HNRNPU: variants seen among roughly 807,000 people sequenced by gnomAD.
The protein encoded by HNRNPU is heterogeneous nuclear ribonucleoprotein U, also known as HNRNPU antisense RNA 1.
HNRNPU carries 5 observed loss-of-function variants against 94.7 expected under a neutral mutation model. The observed-to-expected ratio is 0.05, with a 90% confidence interval of 0.03 to 0.11. HNRNPU has a LOEUF of 0.11. HNRNPU is among the 10% of genes least tolerant of loss of function. The pLI, the probability that HNRNPU is intolerant of heterozygous loss-of-function variation, is 1.00. For synonymous variants in HNRNPU, 434 were observed against 381.6 expected, an observed-to-expected ratio of 1.14 and a Z score of -1.60; for missense variants, 710 against 1,049.2, an observed-to-expected ratio of 0.68 and a Z score of 4.47.
intron 3 of HNRNPU, chr1:244,860,756 C>T (rs1195062617): frequency 4.3e-6 from 2 of 460,294 alleles, no homozygotes; most frequent in Non-Finnish European, 7.6e-6. Context: ...GACATTAATA[C>T]ATACCTGCTC....
At position 244,864,184 on chromosome 1, in the gene HNRNPU, G is replaced by T. The variant is rs1364614921; in HGVS notation, c.124C>A (p.Leu42Met). Residue 42 changes from leucine (L) to methionine (M), a missense_variant, in exon 1 of 14, where the codon CTG becomes ATG. This residue lies in a region of HNRNPU where 292 missense variants were observed against 293.4 expected (regional missense o/e 1.00). Coordinates refer to ENST00000640218, the MANE Select transcript of HNRNPU (RefSeq NM_031844.3). ...AELMERLQAA[L>M]DDEEAGGRPA... ...CGGCCCCCGGCCTCCTCGTCGTCCA[G>T]CGCAGCCTGGAGTCGCTCCATGAGC... 3 of 1,608,766 alleles carry T rather than the reference G, an allele frequency of 1.9e-6. No homozygotes were observed. The highest frequency in any genetic ancestry group is 1.7e-6 in the Non-Finnish European group (2 of 1,178,016).
Position 244,855,889 on chromosome 1 carries a change from T to G in HNRNPU, c.2167+15A>C, listed in dbSNP as rs780932517. The G allele has an allele frequency of 5.6e-5, 90 of 1,612,702 alleles. No individual in the cohort carries two copies. The South Asian group carries it at 8.7e-4, about 16-fold the overall frequency. ...CGATCCTGAACTAAATACAGAACAC[T>G]CAAAATTAACTTGCCTCCTCCTCTG... On this transcript the variant is annotated intron_variant, in intron 11 of 13. Transcript: ENST00000640218.
chr1:244,862,481 G>T lies in HNRNPU; in HGVS notation c.857C>A (p.Thr286Lys). ...VEEEDEHFDD[T>K]VVCLDTYNCD... The stretch of plus-strand genomic sequence containing the variant: ...CTTACAAGTATCAAGACAAACCACT[G>T]TGTCATCGAAGTGTTCATCTTCTTC... The change falls in exon 3 of 14, where the codon ACA becomes AAA. Residue 286 changes from threonine (T) to lysine (K), a missense_variant. This residue lies in a region of HNRNPU where 22 missense variants were observed against 16.7 expected (regional missense o/e 1.32). Coordinates refer to ENST00000640218, the MANE Select transcript of HNRNPU (RefSeq NM_031844.3). 6.2e-7 allele frequency: 1 copy of T among 1,612,132 alleles called. No individual in the cohort carries two copies. Among genetic ancestry groups the T allele is most frequent in the Non-Finnish European group, 8.5e-7 (1 of 1,179,356 alleles).
intron 11 of HNRNPU, 44 bp from the exon 12 acceptor site, chr1:244,855,652 T>C (rs1680659667): frequency 1.3e-6 from 2 of 1,570,526 alleles, no homozygotes; most frequent in Non-Finnish European, 8.7e-7. Context: ...TATTGTACCC[T>C]ACTTATACAG....
chr1:244,864,373 G>A lies in HNRNPU; in HGVS notation c.-66C>T, dbSNP rs1169391125. On this transcript the variant is annotated 5_prime_UTR_variant, in exon 1 of 14. Transcript: ENST00000640218. The stretch of plus-strand genomic sequence containing the variant: ...CGGCTCCGCTCACTCGGCCACTGGT[G>A]GCGGCTGCTGCGGCTGCTCCTCGGC... The A allele has an allele frequency of 1.1e-5, 18 of 1,587,890 alleles. No homozygotes were observed. Among genetic ancestry groups the A allele is most frequent in the African/African-American group, 5.5e-5 (4 of 72,860 alleles).
At position 244,853,332 on chromosome 1, in the gene HNRNPU, T is replaced by TG. The variant is rs1680595718; in HGVS notation, c.*1117_*1118insC. 6.6e-6 allele frequency: 1 copy of TG among 152,524 alleles called. No individual in the cohort carries two copies. Among genetic ancestry groups the TG allele is most frequent in the Admixed American group, 6.6e-5 (1 of 15,264 alleles). 9.4% of individuals were successfully genotyped at this position (152,524 alleles called of 1,614,324 possible). A position where few individuals can be genotyped will look rare whatever the true frequency, so the allele number is the denominator to read the frequency against. ...GCACACACTTAATAAATTTCTCCTC[T>TG]TGGGAGTTATATAAAGGGATTTTGA... is the stretch of plus-strand genomic sequence containing the variant. On this transcript the variant is annotated 3_prime_UTR_variant, in exon 14 of 14. Coordinates refer to ENST00000640218, the MANE Select transcript of HNRNPU (RefSeq NM_031844.3).
In HNRNPU at chr1:244,859,488, A is replaced by C. The variant is rs1680770600; in HGVS notation, c.1018-114T>G. The C allele has an allele frequency of 2.2e-5, 13 of 598,786 alleles. 1 individual carries two copies. The South Asian group carries it at 2.3e-4, about 11-fold the overall frequency. 37.1% of individuals were successfully genotyped at this position (598,786 alleles called of 1,614,324 possible). ...CTTCCTCTAGCTATAAATACAAAGA[A>C]GGCACACTCTAGCCCACCCCCAATA... On this transcript the variant is annotated intron_variant, in intron 4 of 13. Coordinates refer to ENST00000640218, the MANE Select transcript of HNRNPU (RefSeq NM_031844.3).
chr1:244,864,032 CTCCTCT>C lies in HNRNPU; in HGVS notation c.270_275del (p.Glu93_Glu94del), dbSNP rs770670938. Reference sequence around the variant, plus strand: ...CGTCCAGAGCGGAGATTCCTTCCTCCTCCTCTTCCTCTTCCTCCTCCTCTTCATCGC... The same window carrying C: ...CGTCCAGAGCGGAGATTCCTTCCTCCTCCTCTTCCTCCTCCTCTTCATCGC... On this transcript the variant is annotated inframe_deletion, in exon 1 of 14. Transcript: ENST00000640218. 119 of 1,611,544 alleles carry C rather than the reference CTCCTCT, an allele frequency of 7.4e-5. No individual in the cohort carries two copies. Among genetic ancestry groups the C allele is most frequent in the East Asian group, 1.8e-4 (8 of 44,786 alleles).
rs1478226230 is a variant in HNRNPU, at chr1:244,850,302, T to A, written c.*4148A>T. ...AAAGGTCACTCCAACATGAGTTAGC[T>A]GGACAAAGTACTTTTAATGCTTATT... On this transcript the variant is annotated 3_prime_UTR_variant, in exon 14 of 14. Coordinates refer to ENST00000640218, the MANE Select transcript of HNRNPU (RefSeq NM_031844.3). 1.3e-5 allele frequency: 2 copies of A among 152,148 alleles called. No homozygotes were observed. Among genetic ancestry groups the A allele is most frequent in the Admixed American group, 1.3e-4 (2 of 15,266 alleles). 9.4% of individuals were successfully genotyped at this position (152,148 alleles called of 1,614,324 possible).
At position 244,857,545 on chromosome 1, in the gene HNRNPU, C is replaced by A. The variant is rs953578103; in HGVS notation, c.1614+53G>T. ...TACAGGCGTGAACCACCATGCCCAG[C>A]CTCTCCCAGTCTATTTTAAACACTG... On this transcript the variant is annotated intron_variant, in intron 8 of 13. Transcript: ENST00000640218. 10 of 1,571,778 alleles carry A rather than the reference C, an allele frequency of 6.4e-6. No homozygotes were observed. In the Admixed American group the frequency reaches 1.2e-4, roughly 19 times the overall value.
Position 244,864,464 on chromosome 1 carries a change from G to A in HNRNPU, c.-157C>T. Reference sequence around the variant, plus strand: ...CTGCAGAGCGGATCCGCCTGGTGTCGAACGGCGCCAATTCCTTTCACCGAG... The same window carrying A: ...CTGCAGAGCGGATCCGCCTGGTGTCAAACGGCGCCAATTCCTTTCACCGAG... On this transcript the variant is annotated 5_prime_UTR_variant, in exon 1 of 14. Coordinates refer to ENST00000640218, the MANE Select transcript of HNRNPU (RefSeq NM_031844.3). 3.1e-6 allele frequency: 4 copies of A among 1,287,416 alleles called. No individual in the cohort carries two copies. In the South Asian group the frequency reaches 4.4e-5, roughly 14 times the overall value. 79.7% of individuals were successfully genotyped at this position (1,287,416 alleles called of 1,614,324 possible).
Position 244,864,111 on chromosome 1 carries a change from G to A in HNRNPU, c.197C>T (p.Ser66Phe), listed in dbSNP as rs1163062953. The change falls in exon 1 of 14, where the codon TCC (serine) becomes TTC (phenylalanine). Residue 66 changes from serine to phenylalanine, a missense_variant. Coordinates refer to ENST00000640218, the MANE Select transcript of HNRNPU (RefSeq NM_031844.3). The stretch of plus-strand genomic sequence containing the variant: ...GAGGCCTGCTCCCGAGCGCCCAGCG[G>A]AATCCCCGCCCAGGTCTAGGCTGCC... ...GNGSLDLGGD[S>F]AGRSGAGLEQ... 5.6e-6 allele frequency: 9 copies of A among 1,596,542 alleles called. No homozygotes were observed. Among genetic ancestry groups the A allele is most frequent in the South Asian group, 1.1e-5 (1 of 89,396 alleles).
In HNRNPU at chr1:244,863,785, G is replaced by C. The variant is rs769831589; in HGVS notation, c.523C>G (p.Gln175Glu). The change falls in exon 1 of 14, where the codon CAG becomes GAG. Residue 175 changes from glutamine to glutamate, a missense_variant. Transcript: ENST00000640218. ...GCCTCCTTGGCGGCCCCGCGCTGCT[G>C]TTGGGGCTGTTGCTGCTGCGTCGCC... ...PPATQQQQPQQQRGAAKEAAG... is the reference protein window; with the variant it reads ...PPATQQQQPQEQRGAAKEAAG... The C allele has an allele frequency of 6.2e-7, 1 of 1,605,326 alleles. No homozygotes were observed. Among genetic ancestry groups the C allele is most frequent in the Non-Finnish European group, 8.5e-7 (1 of 1,177,350 alleles).
In HNRNPU at chr1:244,863,795, T is replaced by TTGC. The variant is rs1319213248; in HGVS notation, c.510_512dup (p.Gln172dup). On this transcript the variant is annotated inframe_insertion, in exon 1 of 14. Coordinates refer to ENST00000640218, the MANE Select transcript of HNRNPU (RefSeq NM_031844.3). ...CGGCCCCGCGCTGCTGTTGGGGCTG[T>TTGC]TGCTGCTGCGTCGCCGGCGGTTGAG... 1 of 1,607,492 alleles carries TTGC rather than the reference T, an allele frequency of 6.2e-7. No individual in the cohort carries two copies. Among genetic ancestry groups the TTGC allele is most frequent in the East Asian group, 2.2e-5 (1 of 44,628 alleles).
chr1:244,864,474 A>T lies in HNRNPU; in HGVS notation c.-167T>A. 1.7e-6 allele frequency: 2 copies of T among 1,196,200 alleles called. No individual in the cohort carries two copies. The highest frequency in any genetic ancestry group is 2.7e-4 in the Middle Eastern group (1 of 3,736). 74.1% of individuals were successfully genotyped at this position (1,196,200 alleles called of 1,614,324 possible). ...GATCCGCCTGGTGTCGAACGGCGCC[A>T]ATTCCTTTCACCGAGTTCGCGAGGG... On this transcript the variant is annotated 5_prime_UTR_variant, in exon 1 of 14. Transcript: ENST00000640218.
At chr1:244,856,939 G>T in intron 8 of HNRNPU, 83 bp from the exon 9 acceptor site, 1 of 1,110,868 alleles carries the variant, frequency 9.0e-7, no homozygotes, top group Non-Finnish European at 1.3e-6. Context: ...ATATCTATAT[G>T]TAAAGCAGGC....
chr1:244,856,424 A>T (rs754698877), intron 10 of HNRNPU, 33 bp downstream of exon 10: 7 of 1,579,828 alleles, frequency 4.4e-6, no homozygotes, highest in Non-Finnish European at 6.0e-6. Context: ...TAAAAAGAAG[A>T]TTTCACACAG....
At chr1:244,855,629 T>A in intron 11 of HNRNPU, 21 bp from the exon 12 acceptor site, 1 of 1,613,074 alleles carries the variant, frequency 6.2e-7, no homozygotes, top group Non-Finnish European at 8.5e-7. Context: ...AGAGCTGTTT[T>A]AGTTTCATTG....
rs903627298 is a variant in HNRNPU, at chr1:244,860,459, T to C, written c.893A>G (p.His298Arg). Residue 298 changes from histidine to arginine, a missense_variant, in exon 4 of 14, where the codon CAT becomes CGT. This residue lies in a region of HNRNPU where 31 missense variants were observed against 86.8 expected (regional missense o/e 0.36). Transcript: ENST00000640218. ...GAGACGATCTCTTGATATTTTAAAA[T>C]GTAGATCACAATTATCTGTAATTAT... is the stretch of plus-strand genomic sequence containing the variant. The part of the protein sequence containing the change: ...VCLDTYNCDL[H>R]FKISRDRLSA... 6.3e-7 allele frequency: 1 copy of C among 1,594,648 alleles called. No individual in the cohort carries two copies. Among genetic ancestry groups the C allele is most frequent in the Non-Finnish European group, 8.6e-7 (1 of 1,162,384 alleles).
Sources: gnomAD v4.1 joint callset for allele counts on GRCh38, gnomAD v4.1.1 for gene constraint, gnomAD v4.1.1 regional missense constraint, MANE v1.5 for transcripts, NCBI Gene and HGNC (gene_info 2026-07-23, HGNC 2026-07-21) for gene names.